Variants in CDH4 observed in about 807,000 individuals in gnomAD.
The protein encoded by CDH4 is cadherin-4.
In CDH4, 33 loss-of-function variants were observed where a neutral mutation model predicts 86.0. The observed-to-expected ratio is 0.38, with a 90% CI of 0.29 to 0.51. CDH4 has a LOEUF of 0.51. CDH4 is among the 20% of genes least tolerant of loss of function. CDH4 has a pLI of 0.86. For synonymous variants in CDH4, 555 were observed against 549.4 expected, an observed-to-expected ratio of 1.01 and a Z score of -0.14; for missense variants, 1,114 against 1,307.4, an observed-to-expected ratio of 0.85 and a Z score of 2.28.
intron 2 of CDH4, among the ~76,000 whole-genome samples, chr20:61,297,395 A>C (rs2084361748): frequency 6.6e-6 from 1 of 152,200 alleles, no homozygotes; most frequent in Non-Finnish European, 1.5e-5. Context: ...ATCTCAAAAA[A>C]CAGAAAAAAA....
chr20:61,747,795 T>C (rs6061792), intron 3 of CDH4, among the ~76,000 whole-genome samples: 44,641 of 152,050 alleles, frequency 0.29, 6,755 homozygotes, highest in South Asian at 0.45. Context: ...GAAGGTCTAA[T>C]GTGTATATTT....
Position 61,743,634 on chromosome 20 carries a change from G to T in CDH4, c.241G>T (p.Ala81Ser), listed in dbSNP as rs1180319997. ...ETNSMDFKVGADGTVFATREL... is the reference protein window; with the variant it reads ...ETNSMDFKVGSDGTVFATREL... ...CAACAGCATGGACTTCAAAGTTGGG[G>T]CAGATGGGACAGTCTTCGCCACCCG... Residue 81 changes from alanine to serine, a missense_variant, in exon 3 of 16, where the codon GCA (alanine) becomes TCA (serine). Physicochemically the swap from Ala to Ser is moderately conservative, Grantham distance 99. This residue lies in a region of CDH4 where 221 missense variants were observed against 209.5 expected (regional missense o/e 1.05). Transcript: ENST00000614565. 29 of 1,592,084 alleles carry T rather than the reference G, an allele frequency of 1.8e-5. No homozygotes were observed. The highest frequency in any genetic ancestry group is 2.5e-5 in the Non-Finnish European group (29 of 1,168,844).
At chr20:61,312,205 G>T (rs2084449782) in intron 2 of CDH4, among the ~76,000 whole-genome samples, 1 of 149,252 alleles carries the variant, frequency 6.7e-6, no homozygotes, top group African/African-American at 2.5e-5. Context: ...TGTGATGTGT[G>T]CATATGTGCG....
chr20:61,927,584 G>A (rs1353940179), intron 11 of CDH4, among the ~76,000 whole-genome samples: 1 of 152,200 alleles, frequency 6.6e-6, no homozygotes, highest in East Asian at 1.9e-4. Flanking sequence ...AGCACCCTGG[G>A]GCTCTGCTGG....
intron 4 of CDH4, among the ~76,000 whole-genome samples, chr20:61,789,713 CAG>C (rs1979069916): frequency 1.3e-5 from 2 of 152,248 alleles, no homozygotes; most frequent in South Asian, 4.1e-4. Flanking sequence ...CATGCAGGCC[CAG>C]AGTTAGGCAG....
At chr20:61,720,586 G>A (rs1164004528) in intron 2 of CDH4, among the ~76,000 whole-genome samples, 2 of 150,656 alleles carry the variant, frequency 1.3e-5, no homozygotes, top group African/African-American at 4.9e-5. Flanking sequence ...GTACAGAGTA[G>A]GGGTGTACAG....
At chr20:61,316,793 A>G (rs2427073) in intron 2 of CDH4, among the ~76,000 whole-genome samples, 38,871 of 152,038 alleles carry the variant, frequency 0.26, 5,734 homozygotes, top group African/African-American at 0.41. Flanking sequence ...TTTCTGAGTC[A>G]TCGTTGCCCA....
rs1568781058 is a variant in CDH4 at position 61,283,478 on chromosome 20, GGTGTGTGATGTAGGT to G, written c.169+28543_169+28557del. On this transcript the variant is annotated intron_variant, in intron 2 of 15. Coordinates refer to ENST00000614565, the MANE Select transcript of CDH4 (RefSeq NM_001794.5). The stretch of plus-strand genomic sequence containing the variant: ...GTGTGCGTTTGCACGCGTGTGCTGT[GGTGTGTGATGTAGGT>G]GCATTTGCACGCGTGTGCTGTGGTG... Among the ~76,000 whole-genome samples, 10 of 54,172 alleles carry G rather than the reference GGTGTGTGATGTAGGT, an allele frequency of 1.8e-4. 1 individual carries two copies. Among genetic ancestry groups the G allele is most frequent in the South Asian group, 9.2e-4 (1 of 1,082 alleles). 35.5% of individuals were successfully genotyped at this position (54,172 alleles called of 152,430 possible).
intron 3 of CDH4, among the ~76,000 whole-genome samples, chr20:61,765,140 A>G (rs951932716): frequency 1.3e-5 from 2 of 152,136 alleles, no homozygotes; most frequent in Non-Finnish European, 2.9e-5. Context: ...GTCCCTGCTC[A>G]GCACTGGGCA....
At chr20:61,693,367 G>A (rs2087680121) in intron 2 of CDH4, among the ~76,000 whole-genome samples, 1 of 152,220 alleles carries the variant, frequency 6.6e-6, no homozygotes, top group Non-Finnish European at 1.5e-5. Context: ...GGGAGGCCTG[G>A]GGAGTGTGTA....
At chr20:61,257,961 C>T (rs1006308799) in intron 2 of CDH4, among the ~76,000 whole-genome samples, 3 of 152,166 alleles carry the variant, frequency 2.0e-5, no homozygotes, top group Admixed American at 1.3e-4. Context: ...TGAGTGGAAA[C>T]GCTGTTCACT....
chr20:61,743,563 T>C lies in CDH4; in HGVS notation c.170T>C (p.Val57Ala). ...TGACTCTCTCCCCCTCCTCTTGCAGTCAAGTTCAGCAGCTGTGTGGGGACC... is the reference window on the plus strand; with the variant it reads ...TGACTCTCTCCCCCTCCTCTTGCAGCCAAGTTCAGCAGCTGTGTGGGGACC... ...NILEGEKLLQ[V>A]KFSSCVGTKG... The change falls in exon 3 of 16, where the codon GTC (valine) becomes GCC (alanine). Residue 57 changes from valine (V) to alanine (A), a missense_variant and splice_region_variant. Val to Ala is a moderately conservative substitution (Grantham distance 64, BLOSUM62 0). Around this residue, in one of 3 missense-constraint regions of CDH4, gnomAD observed 221 missense variants for 209.5 expected, o/e 1.05. Coordinates refer to ENST00000614565, the MANE Select transcript of CDH4 (RefSeq NM_001794.5). The C allele has an allele frequency of 6.4e-7, 1 of 1,558,754 alleles. No homozygotes were observed. The highest frequency in any genetic ancestry group is 8.7e-7 in the Non-Finnish European group (1 of 1,150,218).
At chr20:61,834,132 G>T (rs1298066850) in intron 4 of CDH4, among the ~76,000 whole-genome samples, 3 of 152,244 alleles carry the variant, frequency 2.0e-5, no homozygotes, top group African/African-American at 7.2e-5. Flanking sequence ...GGTGGGCCGG[G>T]GTGATTTCCA....
In CDH4 at chr20:61,518,580, A is replaced by C. The variant is rs549464182; in HGVS notation, c.170-224983A>C. On this transcript the variant is annotated intron_variant, in intron 2 of 15. Coordinates refer to ENST00000614565, the MANE Select transcript of CDH4 (RefSeq NM_001794.5). The surrounding 1 kb of genome is among the most constrained non-coding windows in gnomAD (Gnocchi z 6.3). ...CCTTCTATTTGTCATCTATCCATCC[A>C]TATATCATCCATCCATCATCATCCA... Among the ~76,000 whole-genome samples the C allele has an allele frequency of 3.3e-5, 5 of 151,822 alleles. No homozygotes were observed. The South Asian group carries it at 1.0e-3, about 32-fold the overall frequency.
intron 9 of CDH4, among the ~76,000 whole-genome samples, chr20:61,914,228 G>A (rs962882594): frequency 6.6e-6 from 1 of 152,136 alleles, no homozygotes; most frequent in Non-Finnish European, 1.5e-5. Context: ...TCACGGTGCT[G>A]CCTCCCTTCT....
chr20:61,572,901 A>T (rs1600771219), intron 2 of CDH4, among the ~76,000 whole-genome samples: 1 of 151,238 alleles, frequency 6.6e-6, no homozygotes, highest in East Asian at 2.0e-4. Flanking sequence ...GGACAGACGG[A>T]TGGATGATGG....
rs1422845765 is a variant in CDH4 at position 61,510,614 on chromosome 20, G to A, written c.170-232949G>A. The stretch of plus-strand genomic sequence containing the variant: ...AGGTAGCTCCCATTACTGCTTGGTG[G>A]CTGACGACCCATAGTGGGATTACTT... On this transcript the variant is annotated intron_variant, in intron 2 of 15. Transcript: ENST00000614565. This position sits in a 1 kb window ranked among gnomAD's most constrained non-coding sequence, Gnocchi z 4.2. Among the ~76,000 whole-genome samples, 2 of 152,158 alleles carry A rather than the reference G, an allele frequency of 1.3e-5. No individual in the cohort carries two copies. Among genetic ancestry groups the A allele is most frequent in the African/African-American group, 4.8e-5 (2 of 41,428 alleles).
At chr20:61,347,057 A>G (rs1347455703) in intron 2 of CDH4, among the ~76,000 whole-genome samples, 2 of 152,188 alleles carry the variant, frequency 1.3e-5, no homozygotes, top group Non-Finnish European at 2.9e-5. Flanking sequence ...CAAGGTCAGT[A>G]CCACGTTTTA....
intron 2 of CDH4, among the ~76,000 whole-genome samples, chr20:61,327,900 G>A (rs1419558244): frequency 6.6e-6 from 1 of 152,146 alleles, no homozygotes; most frequent in Non-Finnish European, 1.5e-5. Context: ...TAAAGGATCA[G>A]GTGTAGTTTT....
Sources: allele counts gnomAD v4.1 joint callset (sites outside exome capture counted in the v4.1 genomes callset), GRCh38; gene constraint gnomAD v4.1.1; regional missense constraint gnomAD v4.1.1; non-coding constraint Gnocchi (gnomAD v3.1); transcripts MANE v1.5; gene names NCBI Gene and HGNC (gene_info 2026-07-23, HGNC 2026-07-21).